Variants in FSIP2 observed in about 807,000 individuals in gnomAD.
FSIP2 encodes fibrous sheath-interacting protein 2.
FSIP2 carries 367 observed loss-of-function variants against 510.5 expected under a neutral mutation model. That is an observed-to-expected ratio of 0.72 (90% CI 0.66 to 0.78). FSIP2 has a LOEUF of 0.78. Among genes scored for constraint, FSIP2 ranks in the 30% least tolerant of loss-of-function variants. The pLI, the probability that FSIP2 is intolerant of heterozygous loss-of-function variation, is 0.00. For synonymous variants in FSIP2, 2,601 were observed against 2,732.2 expected, an observed-to-expected ratio of 0.95 and a Z score of 1.50; for missense variants, 7,594 against 7,901.7, an observed-to-expected ratio of 0.96 and a Z score of 1.48.
At chr2:185,750,980 TG>T (rs1279372719) in intron 7 of FSIP2, among the ~76,000 whole-genome samples, 9 of 151,618 alleles carry the variant, frequency 5.9e-5, no homozygotes, top group African/African-American at 1.9e-4. Context: ...TTAAATATAT[TG>T]AGATTATTTT....
At chr2:185,819,670 C>T (rs1559039872) in intron 19 of FSIP2, among the ~76,000 whole-genome samples, 1 of 151,684 alleles carries the variant, frequency 6.6e-6, no homozygotes, top group East Asian at 2.0e-4. Flanking sequence ...AGTGTGAAAG[C>T]AATACACATT....
At chr2:185,787,456 A>G (rs1353836657) in intron 15 of FSIP2, among the ~76,000 whole-genome samples, 1 of 151,714 alleles carries the variant, frequency 6.6e-6, no homozygotes, top group Admixed American at 6.6e-5. Flanking sequence ...TAATTTAGGC[A>G]ATATTTTGGG....
At position 185,801,627 on chromosome 2, in the gene FSIP2, TC is replaced by T. The variant is rs1231152485; in HGVS notation, c.12322del (p.Leu4108SerfsTer14). 5.2e-6 allele frequency: 8 copies of T among 1,530,244 alleles called. No homozygotes were observed. Among genetic ancestry groups the T allele is most frequent in the Non-Finnish European group, 7.0e-6 (8 of 1,144,342 alleles). 94.8% of individuals were successfully genotyped at this position (1,530,244 alleles called of 1,614,324 possible). A position where few individuals can be genotyped will look rare whatever the true frequency, so the allele number is the denominator to read the frequency against. On this transcript the variant is annotated frameshift_variant, in exon 17 of 23. Coordinates refer to ENST00000424728, the MANE Select transcript of FSIP2 (RefSeq NM_173651.4). LOFTEE classifies it high-confidence loss of function. ...EHLIPHSYYP[L>X]KPEIILQKLQ... is the part of the protein sequence containing the mutation. ...ATCTCATACCCCATTCATATTACCC[TC>T]TCAAACCTGAAATTATATTGCAAAA...
At chr2:185,832,641 T>C (rs1439840624) in intron 22 of FSIP2, among the ~76,000 whole-genome samples, 1 of 151,758 alleles carries the variant, frequency 6.6e-6, no homozygotes, top group Non-Finnish European at 1.5e-5. Flanking sequence ...TAAAGCCTCA[T>C]GCTGAATAAG....
intron 13 of FSIP2, among the ~76,000 whole-genome samples, chr2:185,778,807 C>G (rs1692781318): frequency 6.6e-6 from 1 of 151,924 alleles, no homozygotes; most frequent in African/African-American, 2.4e-5. Flanking sequence ...TTCAAATACA[C>G]ATATATACTT....
chr2:185,818,773 G>A (rs1693866641), intron 19 of FSIP2, among the ~76,000 whole-genome samples: 1 of 151,792 alleles, frequency 6.6e-6, no homozygotes, highest in South Asian at 2.1e-4. Context: ...ACAAGGAAAG[G>A]CTGAGGGAGT....
Position 185,782,697 on chromosome 2 carries a change from A to T in FSIP2, c.1412-8A>T. 2.0e-6 allele frequency: 3 copies of T among 1,498,956 alleles called. No homozygotes were observed. The highest frequency in any genetic ancestry group is 2.7e-6 in the Non-Finnish European group (3 of 1,113,002). The allele number at this position is 1,498,956 out of a possible 1,614,324, so 92.9% of individuals were successfully genotyped here. ...CAAACTATGTAATTTTATTTTTCTGATAAATAGGACCTCAGGCTCATGCTA... is the reference window on the plus strand; with the variant it reads ...CAAACTATGTAATTTTATTTTTCTGTTAAATAGGACCTCAGGCTCATGCTA... On this transcript the variant is annotated splice_region_variant and splice_polypyrimidine_tract_variant and intron_variant, in intron 13 of 22. Coordinates refer to ENST00000424728, the MANE Select transcript of FSIP2 (RefSeq NM_173651.4).
At chr2:185,744,915 AG>A (rs1313215145) in intron 4 of FSIP2, 1 of 153,002 alleles carries the variant, frequency 6.5e-6, no homozygotes, top group Admixed American at 6.5e-5. Context: ...GATTGGGTGT[AG>A]AGTGAATGGT....
Position 185,793,946 on chromosome 2 carries a change from T to A in FSIP2, c.6810T>A (p.Asp2270Glu). The A allele has an allele frequency of 6.5e-7, 1 of 1,526,812 alleles. No homozygotes were observed. The highest frequency in any genetic ancestry group is 1.2e-5 in the South Asian group (1 of 82,172). The allele number at this position is 1,526,812 out of a possible 1,614,324, so 94.6% of individuals were successfully genotyped here. The part of the protein sequence containing the change: ...RLESFATERI[D>E]SLITLAFQSK... ...AATCTTTTGCCACAGAAAGAATAGA[T>A]TCATTAATTACCCTTGCTTTCCAAA... Residue 2270 changes from aspartate to glutamate, a missense_variant, in exon 16 of 23, where the codon GAT (aspartate) becomes GAA (glutamate). By Grantham distance (45) the Asp-to-Glu change is conservative. Transcript: ENST00000424728.
rs2105643296 is a variant in FSIP2 at position 185,803,149 on chromosome 2, A to G, written c.13843A>G (p.Thr4615Ala). The G allele has an allele frequency of 2.6e-6, 4 of 1,529,404 alleles. No individual in the cohort carries two copies. Among genetic ancestry groups the G allele is most frequent in the East Asian group, 4.9e-5 (2 of 40,810 alleles). 94.7% of individuals were successfully genotyped at this position (1,529,404 alleles called of 1,614,324 possible). The change falls in exon 17 of 23, where the codon ACC becomes GCC. Residue 4615 changes from threonine (T) to alanine (A), a missense_variant. Physicochemically the swap from Thr to Ala is moderately conservative, Grantham distance 58 (BLOSUM62 0). Transcript: ENST00000424728. Reference sequence around the variant, plus strand: ...TGATGAGAGAAGGCAGTTATTTTATACCAGTGTTTACTCTTCAACATTCTT... The same window carrying G: ...TGATGAGAGAAGGCAGTTATTTTATGCCAGTGTTTACTCTTCAACATTCTT... ...FDDERRQLFY[T>A]SVYSSTFLED...
intron 19 of FSIP2, among the ~76,000 whole-genome samples, chr2:185,816,303 A>G (rs921822334): frequency 1.1e-4 from 16 of 151,626 alleles, no homozygotes; most frequent in Admixed American, 7.9e-4. Flanking sequence ...TTTCTCCTAC[A>G]TAATAGGTTA....
rs1038830151 is a variant in FSIP2 at position 185,789,906 on chromosome 2, A to C, written c.2770A>C (p.Arg924=). The C allele has an allele frequency of 5.2e-6, 8 of 1,532,040 alleles. No individual in the cohort carries two copies. The highest frequency in any genetic ancestry group is 2.0e-5 in the Admixed American group (1 of 50,830). 94.9% of individuals were successfully genotyped at this position (1,532,040 alleles called of 1,614,324 possible). A position where few individuals can be genotyped will look rare whatever the true frequency, so the allele number is the denominator to read the frequency against. Residue 924 remains arginine, a synonymous_variant, in exon 16 of 23, where the codon AGA becomes CGA. Coordinates refer to ENST00000424728, the MANE Select transcript of FSIP2 (RefSeq NM_173651.4). The stretch of plus-strand genomic sequence containing the variant: ...TATACAAACTGAACTAAATAATGAG[A>C]GAATTATTGCATCTGAAGAAACCGT... ...GYIQTELNNE[R]IIASEETVVL...
At chr2:185,822,955 A>G (rs1693950985) in intron 19 of FSIP2, among the ~76,000 whole-genome samples, 1 of 151,882 alleles carries the variant, frequency 6.6e-6, no homozygotes, top group African/African-American at 2.4e-5. Context: ...TTAATGAGGG[A>G]AGGGATGGCC....
chr2:185,774,571 A>G (rs1692677834), intron 13 of FSIP2, among the ~76,000 whole-genome samples: 1 of 121,588 alleles, frequency 8.2e-6, no homozygotes. Flanking sequence ...ACTGCAAACC[A>G]TCAAGCAGGA....
In FSIP2 at chr2:185,801,375, C is replaced by T; in HGVS notation, c.12069C>T (p.Val4023=). 1 of 1,534,106 alleles carries T rather than the reference C, an allele frequency of 6.5e-7. No individual in the cohort carries two copies. The highest frequency in any genetic ancestry group is 8.7e-7 in the Non-Finnish European group (1 of 1,145,606). The change falls in exon 17 of 23, where the codon GTC becomes GTT. Residue 4023 remains valine, a synonymous_variant. Coordinates refer to ENST00000424728, the MANE Select transcript of FSIP2 (RefSeq NM_173651.4). ...TGAATGAATTTAATAATGCTCAAGT[C>T]ACTGTTCTACGGAATGCTGAAGAAA... ...NVVNEFNNAQ[V]TVLRNAEERL... is the part of the protein sequence containing the mutation.
Position 185,788,657 on chromosome 2 carries a change from A to G in FSIP2, c.1521A>G (p.Glu507=). Residue 507 remains glutamate, a synonymous_variant, in exon 16 of 23, where the codon GAA becomes GAG. Transcript: ENST00000424728. ...NCLQEKVTSE[E]LNIIIQNVMT... ...CTCCTTTCCAGGTAACTTCTGAAGA[A>G]CTGAATATTATAATTCAGAATGTAA... 1 of 1,504,552 alleles carries G rather than the reference A, an allele frequency of 6.6e-7. No homozygotes were observed. The highest frequency in any genetic ancestry group is 2.2e-5 in the Admixed American group (1 of 45,058). 93.2% of individuals were successfully genotyped at this position (1,504,552 alleles called of 1,614,324 possible). A position where few individuals can be genotyped will look rare whatever the true frequency, so the allele number is the denominator to read the frequency against.
intron 11 of FSIP2, among the ~76,000 whole-genome samples, chr2:185,762,905 T>C (rs935888803): frequency 6.6e-6 from 1 of 151,556 alleles, no homozygotes. Flanking sequence ...GCTGTGGTTA[T>C]AGCAGAAGAT....
intron 20 of FSIP2, among the ~76,000 whole-genome samples, chr2:185,827,031 G>GAAAAA (rs1694022942): frequency 3.3e-5 from 5 of 151,838 alleles, no homozygotes; most frequent in Admixed American, 6.6e-5. Context: ...AGTTTTTCTG[G>GAAAAA]GGAGTTGGAT....
intron 17 of FSIP2, among the ~76,000 whole-genome samples, chr2:185,810,457 G>C (rs944174863): frequency 1.3e-5 from 2 of 151,296 alleles, no homozygotes; most frequent in Non-Finnish European, 2.9e-5. Context: ...ATCATGATTG[G>C]AAGCTTCTTC....
Sources: allele counts gnomAD v4.1 joint callset (sites outside exome capture counted in the v4.1 genomes callset), GRCh38; gene constraint gnomAD v4.1.1; transcripts MANE v1.5; gene names NCBI Gene and HGNC (gene_info 2026-07-23, HGNC 2026-07-21).